The following AKAP13 variants were observed in gnomAD, a reference collection of about 807,000 sequenced individuals.
AKAP13 encodes the protein A-kinase anchor protein 13.
In AKAP13, 80 loss-of-function variants were observed where a neutral mutation model predicts 264.5. That is an observed-to-expected ratio of 0.30 (90% confidence interval 0.25 to 0.36). The LOEUF (loss-of-function observed/expected upper bound fraction) is 0.36, where lower values mean the gene tolerates loss of function less well. Among genes scored for constraint, AKAP13 ranks in the 10% least tolerant of loss-of-function variants. The probability of loss-of-function intolerance (pLI) is 1.00; values close to 1 mark genes in which losing one functional copy is unlikely to be tolerated. For synonymous variants in AKAP13, 1,380 were observed against 1,250.2 expected (o/e 1.10, Z -2.19); for missense variants, 3,712 against 3,435.2 (o/e 1.08, Z -2.01).
At chr15:85,660,663 T>G (rs2083303568) in intron 12 of AKAP13, among the ~76,000 whole-genome samples, 1 of 152,162 alleles carries the variant, frequency 6.6e-6, no homozygotes, top group Non-Finnish European at 1.5e-5. Flanking sequence ...GACTTCTGAG[T>G]CTTATCTGTG....
chr15:85,665,602 A>C (rs2083550014), intron 13 of AKAP13, among the ~76,000 whole-genome samples: 1 of 152,204 alleles, frequency 6.6e-6, no homozygotes, highest in African/African-American at 2.4e-5. Flanking sequence ...ATAGGTATAC[A>C]TGTGCCGTGT....
At chr15:85,385,980 C>T (rs1411278446) in intron 1 of AKAP13, among the ~76,000 whole-genome samples, 1 of 152,080 alleles carries the variant, frequency 6.6e-6, no homozygotes, top group African/African-American at 2.4e-5. Flanking sequence ...CACACACCAC[C>T]ACACCCAGCT....
chr15:85,650,772 AAAAAAAAAAAAAAAAAAAC>A (rs2082779786), intron 10 of AKAP13, among the ~76,000 whole-genome samples: 4 of 142,346 alleles, frequency 2.8e-5, no homozygotes, highest in Non-Finnish European at 6.1e-5. Context: ...AAAAAAAAAA[AAAAAAAAAAAAAAAAAAAC>A]AACAAAAACT....
intron 8 of AKAP13, among the ~76,000 whole-genome samples, chr15:85,616,121 C>A (rs1299231010): frequency 6.6e-6 from 1 of 151,776 alleles, no homozygotes; most frequent in Non-Finnish European, 1.5e-5. Flanking sequence ...GAAGATGAGC[C>A]CTACCCCTAT....
intron 2 of AKAP13, among the ~76,000 whole-genome samples, chr15:85,486,939 C>T (rs2075570471): frequency 6.6e-6 from 1 of 151,990 alleles, no homozygotes; most frequent in Non-Finnish European, 1.5e-5. Flanking sequence ...AGGGTTTTAC[C>T]ATGTTTGCCA....
At chr15:85,428,784 T>G (rs1175435528) in intron 1 of AKAP13, among the ~76,000 whole-genome samples, 1 of 152,200 alleles carries the variant, frequency 6.6e-6, no homozygotes, top group African/African-American at 2.4e-5. Context: ...AAAATACCCC[T>G]GAGAAAGCAC....
intron 5 of AKAP13, among the ~76,000 whole-genome samples, chr15:85,545,323 T>G (rs1255801006): frequency 1.3e-5 from 2 of 152,220 alleles, no homozygotes; most frequent in African/African-American, 4.8e-5. Context: ...AAATTTGATT[T>G]TTGCTGGGAA....
In AKAP13 at chr15:85,722,339, G is replaced by A; in HGVS notation, c.6488G>A (p.Cys2163Tyr). The change falls in exon 25 of 37, where the codon TGT (cysteine) becomes TAT (tyrosine). Residue 2163 changes from cysteine (C) to tyrosine (Y), a missense_variant. Around this residue, in one of 3 missense-constraint regions of AKAP13, gnomAD observed 342 missense variants for 484.3 expected, o/e 0.71. Transcript: ENST00000394518. ...YPVLFQRILQCTKDNEVEQED... is the reference protein window; with the variant it reads ...YPVLFQRILQYTKDNEVEQED... ...GTTTTATTCCAAAGAATATTGCAGT[G>A]TACCAAAGGTAAGTCTCCTTTCTAA... 1 of 1,607,892 alleles carries A rather than the reference G, an allele frequency of 6.2e-7. No homozygotes were observed. Among genetic ancestry groups the A allele is most frequent in the Non-Finnish European group, 8.5e-7 (1 of 1,177,014 alleles).
chr15:85,389,947 T>C (rs2070770343), intron 1 of AKAP13: 1 of 152,246 alleles, frequency 6.6e-6, no homozygotes, highest in Non-Finnish European at 1.5e-5. Context: ...GCATATATGC[T>C]TTATGTCGCA....
chr15:85,471,829 A>G (rs868113147), intron 1 of AKAP13, among the ~76,000 whole-genome samples: 9 of 152,328 alleles, frequency 5.9e-5, no homozygotes, highest in South Asian at 2.1e-4. Context: ...ACTGATTTGA[A>G]TATTTTAAGT....
chr15:85,659,313 A>G (rs2083234158), intron 12 of AKAP13, among the ~76,000 whole-genome samples: 1 of 152,234 alleles, frequency 6.6e-6, no homozygotes, highest in Non-Finnish European at 1.5e-5. Flanking sequence ...AGAAATCCAA[A>G]AATTAGGGTT....
At chr15:85,738,195 C>A (rs2088681644) in intron 33 of AKAP13, among the ~76,000 whole-genome samples, 1 of 151,366 alleles carries the variant, frequency 6.6e-6, no homozygotes, top group Non-Finnish European at 1.5e-5. Context: ...GTCAGGAGTT[C>A]AAGACCAGCC....
intron 1 of AKAP13, among the ~76,000 whole-genome samples, chr15:85,475,505 T>C (rs2075128033): frequency 6.6e-6 from 1 of 152,182 alleles, no homozygotes; most frequent in Admixed American, 6.5e-5. Context: ...TGTCCATGAG[T>C]TCCTCTTTCC....
chr15:85,518,018 G>A (rs1299783038), intron 2 of AKAP13, among the ~76,000 whole-genome samples: 2 of 152,168 alleles, frequency 1.3e-5, no homozygotes, highest in Non-Finnish European at 2.9e-5. Flanking sequence ...CTTGAATATT[G>A]CCCTTGTTAA....
At chr15:85,721,910 A>G in intron 23 of AKAP13, 81 bp from the exon 24 acceptor site, 2 of 1,578,902 alleles carry the variant, frequency 1.3e-6, no homozygotes, top group Non-Finnish European at 1.7e-6. Flanking sequence ...TGACTTTTAC[A>G]ACTAGACTGG....
In AKAP13 at chr15:85,655,659, C is replaced by T. The variant is rs745314709; in HGVS notation, c.4617C>T (p.Asp1539=). 6.2e-7 allele frequency: 1 copy of T among 1,614,196 alleles called. No homozygotes were observed. The highest frequency in any genetic ancestry group is 8.5e-7 in the Non-Finnish European group (1 of 1,180,040). Residue 1539 remains aspartate (D), a synonymous_variant, in exon 11 of 37, where the codon GAC becomes GAT. Transcript: ENST00000394518. The part of the protein sequence containing the change: ...DPGDVEEEEM[D]SITEVPANCS... Reference sequence around the variant, plus strand: ...GCGACGTGGAGGAGGAGGAGATGGACAGTATCACTGAAGTGCCTGCAAACT... The same window carrying T: ...GCGACGTGGAGGAGGAGGAGATGGATAGTATCACTGAAGTGCCTGCAAACT...
intron 1 of AKAP13, among the ~76,000 whole-genome samples, chr15:85,459,912 C>G (rs1263124469): frequency 6.6e-6 from 1 of 152,190 alleles, no homozygotes; most frequent in Non-Finnish European, 1.5e-5. Context: ...TCTAGCCATG[C>G]TACCTTTCAA....
intron 8 of AKAP13, among the ~76,000 whole-genome samples, chr15:85,618,979 G>A (rs1441635967): frequency 1.3e-5 from 2 of 152,168 alleles, no homozygotes; most frequent in Admixed American, 6.5e-5. Context: ...ATTTGGCAGG[G>A]AGGTATAGTG....
rs752604039 is a variant in AKAP13 at position 85,730,696 on chromosome 15, C to T, written c.7271C>T (p.Ala2424Val). 1.9e-6 allele frequency: 3 copies of T among 1,613,116 alleles called. No individual in the cohort carries two copies. Among genetic ancestry groups the T allele is most frequent in the South Asian group, 1.1e-5 (1 of 91,002 alleles). Residue 2424 changes from alanine to valine, a missense_variant, in exon 30 of 37, where the codon GCA becomes GTA. Physicochemically the swap from Ala to Val is moderately conservative, Grantham distance 64. Transcript: ENST00000394518. ...AAAGGAGGACCTTTAATGAAAAGTG[C>T]AATAAATGAGGGTAATTAACATTCA... ...ALKGGPLMKS[A>V]INEVEILQGL...
Sources: allele counts gnomAD v4.1 joint callset (sites outside exome capture counted in the v4.1 genomes callset), GRCh38; gene constraint gnomAD v4.1.1; regional missense constraint gnomAD v4.1.1; transcripts MANE v1.5; gene names NCBI Gene and HGNC (gene_info 2026-07-23, HGNC 2026-07-21).